The following GDA variants were observed in gnomAD, a reference collection of about 807,000 sequenced individuals.
The protein encoded by GDA is cytoplasmic PSD-95 interactor.
GDA carries 18 observed loss-of-function variants against 59.6 expected under a neutral mutation model. The observed-to-expected ratio is 0.30, with a 90% confidence interval of 0.21 to 0.45. GDA has a LOEUF of 0.45. GDA is among the 20% of genes least tolerant of loss of function. GDA has a pLI of 1.00. For synonymous variants in GDA, 201 were observed against 201.1 expected, an observed-to-expected ratio of 1.00 and a Z score of 0.00; for missense variants, 427 against 552.3, an observed-to-expected ratio of 0.77 and a Z score of 2.27.
chr9:72,250,859 G>A lies in GDA; in HGVS notation c.*2517G>A. ...TTTGAAAGGTAAAAACAATTCAAAA[G>A]TATCGATTATCATAAATTCACAAAA... On this transcript the variant is annotated 3_prime_UTR_variant, in exon 14 of 14. Coordinates refer to ENST00000358399, the MANE Select transcript of GDA (RefSeq NM_004293.5). 6.3e-7 allele frequency: 1 copy of A among 1,599,522 alleles called. No homozygotes were observed. Among genetic ancestry groups the A allele is most frequent in the Non-Finnish European group, 8.5e-7 (1 of 1,169,600 alleles).
At position 72,248,589 on chromosome 9, in the gene GDA, A is replaced by C; in HGVS notation, c.*247A>C. ...TTTGGAGCTGCTCAGACTTACTTTAAGCTCAAACAGAAGGGAATGCTATTA... is the reference window on the plus strand; with the variant it reads ...TTTGGAGCTGCTCAGACTTACTTTACGCTCAAACAGAAGGGAATGCTATTA... On this transcript the variant is annotated 3_prime_UTR_variant, in exon 14 of 14. Coordinates refer to ENST00000358399, the MANE Select transcript of GDA (RefSeq NM_004293.5). 7.9e-7 allele frequency: 1 copy of C among 1,265,468 alleles called. No individual in the cohort carries two copies. Among genetic ancestry groups the C allele is most frequent in the Non-Finnish European group, 1.0e-6 (1 of 1,003,392 alleles). The allele number at this position is 1,265,468 out of a possible 1,614,324, so 78.4% of individuals were successfully genotyped here. A position where few individuals can be genotyped will look rare whatever the true frequency, so the allele number is the denominator to read the frequency against.
chr9:72,182,415 A>G (rs1831359961), intron 1 of GDA, among the ~76,000 whole-genome samples: 1 of 152,076 alleles, frequency 6.6e-6, no homozygotes, highest in Non-Finnish European at 1.5e-5. Flanking sequence ...CTGTCCCTTA[A>G]TTTGGGTTTG....
At chr9:72,141,550 C>T (rs1283698518) in intron 1 of GDA, among the ~76,000 whole-genome samples, 1 of 151,970 alleles carries the variant, frequency 6.6e-6, no homozygotes, top group Non-Finnish European at 1.5e-5. Flanking sequence ...TCTAAAGAGG[C>T]ACTAATTGTG....
chr9:72,187,289 G>T (rs529464264), intron 1 of GDA, among the ~76,000 whole-genome samples: 1 of 152,188 alleles, frequency 6.6e-6, no homozygotes. Context: ...TGATTAGGCC[G>T]TGAGGACAGA....
At chr9:72,202,806 G>C in intron 3 of GDA, 64 bp downstream of exon 3, 1 of 1,252,912 alleles carries the variant, frequency 8.0e-7, no homozygotes, top group South Asian at 1.3e-5. Context: ...CAGTTTCCTA[G>C]GACAGATTTA....
intron 1 of GDA, among the ~76,000 whole-genome samples, chr9:72,118,358 A>G (rs1044594874): frequency 5.9e-5 from 9 of 151,806 alleles, no homozygotes; most frequent in African/African-American, 2.2e-4. Context: ...CTTTAGAACC[A>G]CTAAATACCT....
At position 72,250,379 on chromosome 9, in the gene GDA, T is replaced by C; in HGVS notation, c.*2037T>C. On this transcript the variant is annotated 3_prime_UTR_variant, in exon 14 of 14. Coordinates refer to ENST00000358399, the MANE Select transcript of GDA (RefSeq NM_004293.5). ...CATGTGCAGTAAATATAAATAAGTG[T>C]AGCATCAGAAGCAGTAGGAATGGCC... 9.0e-7 allele frequency: 1 copy of C among 1,115,578 alleles called. No homozygotes were observed. The highest frequency in any genetic ancestry group is 1.1e-6 in the Non-Finnish European group (1 of 910,216). The allele number at this position is 1,115,578 out of a possible 1,614,324, so 69.1% of individuals were successfully genotyped here.
At chr9:72,123,244 C>T (rs530701530) in intron 1 of GDA, among the ~76,000 whole-genome samples, 4 of 142,040 alleles carry the variant, frequency 2.8e-5, no homozygotes, top group South Asian at 2.2e-4. Context: ...AGTGCAGTGG[C>T]GCGATCTCGG....
At chr9:72,154,020 G>T (rs949846584) in intron 1 of GDA, among the ~76,000 whole-genome samples, 1 of 152,092 alleles carries the variant, frequency 6.6e-6, no homozygotes, top group Non-Finnish European at 1.5e-5. Context: ...TTAATCTTGA[G>T]GTAATGCATG....
chr9:72,165,672 C>T (rs952216552), intron 1 of GDA, among the ~76,000 whole-genome samples: 7 of 151,892 alleles, frequency 4.6e-5, no homozygotes, highest in African/African-American at 9.7e-5. Flanking sequence ...CCGAGGTGGG[C>T]GGATCATCGG....
At chr9:72,121,401 C>T (rs1825655738) in intron 1 of GDA, among the ~76,000 whole-genome samples, 1 of 152,102 alleles carries the variant, frequency 6.6e-6, no homozygotes, top group South Asian at 2.1e-4. Context: ...AGTTCAAGAC[C>T]AGCCTGGCCA....
upstream of GDA, among the ~76,000 whole-genome samples, chr9:72,145,174 A>C (rs1826583880): frequency 6.6e-6 from 1 of 152,116 alleles, no homozygotes; most frequent in African/African-American, 2.4e-5. Context: ...CTCAAGGCCC[A>C]TTATTCCCTT....
At chr9:72,205,016 G>T (rs1297369356) in intron 3 of GDA, among the ~76,000 whole-genome samples, 2 of 148,794 alleles carry the variant, frequency 1.3e-5, no homozygotes, top group Non-Finnish European at 3.0e-5. Context: ...GGAGGCTGAG[G>T]CATGAGAATC....
chr9:72,181,360 T>C (rs1397154485), intron 1 of GDA, among the ~76,000 whole-genome samples: 1 of 146,476 alleles, frequency 6.8e-6, no homozygotes, highest in Non-Finnish European at 1.5e-5. Context: ...TGTGTGTCAC[T>C]TGTTGCTTAG....
At chr9:72,179,075 C>T (rs915654121) in intron 1 of GDA, among the ~76,000 whole-genome samples, 1 of 152,136 alleles carries the variant, frequency 6.6e-6, no homozygotes, top group Non-Finnish European at 1.5e-5. Flanking sequence ...AGCTCTCCAG[C>T]CATACTTCCC....
At chr9:72,242,668 T>C (rs1339883913) in intron 11 of GDA, among the ~76,000 whole-genome samples, 2 of 152,186 alleles carry the variant, frequency 1.3e-5, no homozygotes, top group African/African-American at 4.8e-5. Flanking sequence ...TACAATGTTG[T>C]TTTTTGTTTT....
intron 3 of GDA, 138 bp downstream of exon 3, chr9:72,202,880 ACAGTCCAG>A: frequency 1.5e-5 from 8 of 522,964 alleles, no homozygotes; most frequent in South Asian, 3.6e-5. Context: ...TTTCTTTTTC[ACAGTCCAG>A]TGAGTTTGTG....
At chr9:72,217,120 G>A (rs1242328034) in intron 5 of GDA, among the ~76,000 whole-genome samples, 2 of 152,096 alleles carry the variant, frequency 1.3e-5, no homozygotes, top group African/African-American at 4.8e-5. Flanking sequence ...TGAATTTTAT[G>A]GTATGTAAAT....
chr9:72,172,154 GC>G (rs997928705), intron 1 of GDA, among the ~76,000 whole-genome samples: 1 of 151,868 alleles, frequency 6.6e-6, no homozygotes, highest in Non-Finnish European at 1.5e-5. Context: ...ACATGCCATT[GC>G]CCCTCCCAGG....
Sources: gnomAD v4.1 joint callset for allele counts (sites outside exome capture counted in the v4.1 genomes callset) on GRCh38, gnomAD v4.1.1 for gene constraint, MANE v1.5 for transcripts, NCBI Gene and HGNC (gene_info 2026-07-23, HGNC 2026-07-21) for gene names.